Variants in RBFOX1 observed in about 807,000 individuals in gnomAD.
RBFOX1 encodes RNA binding protein fox-1 homolog 1.
RBFOX1 carries 8 observed loss-of-function variants against 57.7 expected under a neutral mutation model. The ratio of observed to expected loss-of-function variants is 0.14; its 90% CI spans 0.08 to 0.25. The LOEUF (loss-of-function observed/expected upper bound fraction) is 0.25, where lower values mean the gene tolerates loss of function less well. RBFOX1 is among the 10% of genes least tolerant of loss of function. RBFOX1 has a pLI of 1.00. For synonymous variants in RBFOX1, 326 were observed against 222.4 expected, an observed-to-expected ratio of 1.47 and a Z score of -4.15; for missense variants, 611 against 548.5, an observed-to-expected ratio of 1.11 and a Z score of -1.14.
At position 5,732,544 on chromosome 16, in the gene RBFOX1, G is replaced by A. The variant is rs141959614; in HGVS notation, c.318+133583G>A. ...CATAGGGGAGAGGCAGGGACTTTGG[G>A]GTCAGGCAGACGATGGTTAGAATTC... On this transcript the variant is annotated intron_variant, in intron 3 of 19. Coordinates refer to the RBFOX1 transcript ENST00000641259. 6.6e-5 allele frequency among the ~76,000 whole-genome samples: 10 copies of A among 152,262 alleles called. No homozygotes were observed. The East Asian group carries it at 1.5e-3, about 23-fold the overall frequency.
chr16:5,821,626 T>A (rs2055861895), intron 3 of RBFOX1, among the ~76,000 whole-genome samples: 1 of 152,198 alleles, frequency 6.6e-6, no homozygotes. Flanking sequence ...AATGTGTTTG[T>A]TTTATTTTTG....
chr16:7,208,275 A>G (rs751087575), intron 4 of RBFOX1, among the ~76,000 whole-genome samples: 1 of 152,186 alleles, frequency 6.6e-6, no homozygotes, highest in African/African-American at 2.4e-5. Flanking sequence ...TTGCCTCACA[A>G]TGTGACTGTA....
chr16:6,655,299 T>A (rs1488340759), intron 3 of RBFOX1, among the ~76,000 whole-genome samples: 1 of 138,574 alleles, frequency 7.2e-6, no homozygotes, highest in African/African-American at 2.7e-5. Flanking sequence ...ACTTGATCCT[T>A]GGAGGTGGAG....
At chr16:5,431,276 A>G (rs494659) in intron 1 of RBFOX1, among the ~76,000 whole-genome samples, 2,778 of 152,166 alleles carry the variant, frequency 0.018, 85 homozygotes, top group African/African-American at 0.063. Context: ...CTTTTTGCGC[A>G]TGTGAAAAAT....
intron 4 of RBFOX1, among the ~76,000 whole-genome samples, chr16:5,927,765 C>T (rs1367630210): frequency 6.6e-6 from 1 of 152,094 alleles, no homozygotes; most frequent in South Asian, 2.1e-4. Flanking sequence ...ACTATTCAGC[C>T]TTGAAAAAGA....
intron 2 of RBFOX1, among the ~76,000 whole-genome samples, chr16:5,537,111 A>G (rs540392980): frequency 5.3e-4 from 80 of 152,240 alleles, no homozygotes; most frequent in African/African-American, 1.8e-3. Context: ...CAGTCTGTTC[A>G]TGTTGATTTA....
At chr16:6,359,064 G>C (rs765703844) in intron 2 of RBFOX1, among the ~76,000 whole-genome samples, 9 of 150,456 alleles carry the variant, frequency 6.0e-5, no homozygotes, top group Non-Finnish European at 7.4e-5. Context: ...TGCTCAGCTT[G>C]TTGTTGAAAG....
At chr16:5,736,853 C>G (rs2052594500) in intron 3 of RBFOX1, among the ~76,000 whole-genome samples, 1 of 144,918 alleles carries the variant, frequency 6.9e-6, no homozygotes, top group African/African-American at 2.6e-5. Flanking sequence ...CCCTCTTTCC[C>G]CCCTTCTCTT....
chr16:7,420,355 A>G (rs2098528608), intron 4 of RBFOX1, among the ~76,000 whole-genome samples: 1 of 152,222 alleles, frequency 6.6e-6, no homozygotes, highest in Non-Finnish European at 1.5e-5. Context: ...TTTAAGCTGT[A>G]ATGAATACTG....
At chr16:5,966,856 A>G (rs574024028) in intron 4 of RBFOX1, among the ~76,000 whole-genome samples, 2 of 152,066 alleles carry the variant, frequency 1.3e-5, no homozygotes, top group South Asian at 2.1e-4. Context: ...TGGAAGTGCA[A>G]TTCATGCCTC....
At chr16:5,714,616 G>C (rs1300713150) in intron 3 of RBFOX1, among the ~76,000 whole-genome samples, 1 of 152,124 alleles carries the variant, frequency 6.6e-6, no homozygotes, top group African/African-American at 2.4e-5. Context: ...TGTGGCAATA[G>C]GTAACAGATA....
chr16:5,251,723 G>T (rs2062457950), intron 1 of RBFOX1, among the ~76,000 whole-genome samples: 1 of 151,434 alleles, frequency 6.6e-6, no homozygotes, highest in African/African-American at 2.4e-5. Context: ...ATTTTCTGGG[G>T]TGATTGAAAT....
At chr16:6,921,516 AC>A (rs2074433508) in intron 3 of RBFOX1, among the ~76,000 whole-genome samples, 2 of 152,084 alleles carry the variant, frequency 1.3e-5, no homozygotes, top group African/African-American at 4.8e-5. Flanking sequence ...TTCTGAGGTC[AC>A]CCATAGTTCC....
intron 2 of RBFOX1, among the ~76,000 whole-genome samples, chr16:6,523,349 G>C (rs1369995778): frequency 6.6e-6 from 1 of 152,160 alleles, no homozygotes; most frequent in African/African-American, 2.4e-5. Context: ...TGTTTAGATG[G>C]TTTGGTGTGG....
intron 1 of RBFOX1, among the ~76,000 whole-genome samples, chr16:6,264,538 C>T (rs921075242): frequency 2.6e-5 from 4 of 152,166 alleles, no homozygotes; most frequent in African/African-American, 7.2e-5. Flanking sequence ...TTCACCTCCT[C>T]GCTCACATCA....
chr16:6,073,205 A>G (rs968930401), intron 1 of RBFOX1, among the ~76,000 whole-genome samples: 1 of 152,088 alleles, frequency 6.6e-6, no homozygotes. Flanking sequence ...CATCTACTCC[A>G]CTGACTTCCA....
intron 4 of RBFOX1, among the ~76,000 whole-genome samples, chr16:7,092,991 T>A (rs2061113602): frequency 6.6e-6 from 1 of 152,248 alleles, no homozygotes; most frequent in Non-Finnish European, 1.5e-5. Flanking sequence ...AAATTGCCTC[T>A]GGCAGTCAAA....
chr16:6,686,626 G>C (rs11077070), intron 3 of RBFOX1, among the ~76,000 whole-genome samples: 124,033 of 152,118 alleles, frequency 0.82, 50,667 homozygotes, highest in East Asian at 0.84. Context: ...AGCTTCCCCC[G>C]AAAGCACAGG....
At chr16:6,104,132 A>AACACACAC (rs112249231) in intron 1 of RBFOX1, among the ~76,000 whole-genome samples, 61 of 148,470 alleles carry the variant, frequency 4.1e-4, no homozygotes, top group Middle Eastern at 3.4e-3. Context: ...TCCCAGTTGA[A>AACACACAC]ACACACACAC....
Sources: allele counts gnomAD v4.1 joint callset (sites outside exome capture counted in the v4.1 genomes callset), GRCh38; gene constraint gnomAD v4.1.1; transcripts MANE v1.5; gene names NCBI Gene and HGNC (gene_info 2026-07-23, HGNC 2026-07-21).